The following YJU2 variants were observed in gnomAD, a reference collection of about 807,000 sequenced individuals.
YJU2 encodes YJU2 splicing factor homolog, also known as splicing factor YJU2.
Under a neutral mutation model 39.6 loss-of-function variants are expected in YJU2, and 28 were observed. The ratio of observed to expected loss-of-function variants is 0.71; its 90% CI spans 0.52 to 0.97. The LOEUF is 0.97. YJU2 is among the 50% of genes least tolerant of loss of function. The pLI, the probability that YJU2 is intolerant of heterozygous loss-of-function variation, is 0.00. For missense variants in YJU2, 328 were observed against 430.4 expected (o/e 0.76, Z 2.11); for synonymous variants, 184 against 182.4 (o/e 1.01, Z -0.07).
At chr19:4,254,640 C>T (rs998946087) in intron 4 of YJU2, 151 bp downstream of exon 4, 3 of 1,187,174 alleles carry the variant, frequency 2.5e-6, no homozygotes, top group African/African-American at 3.1e-5. Flanking sequence ...CCCCAGGAGG[C>T]CAGGCATAGT....
chr19:4,263,608 G>A (rs1357818370), intron 6 of YJU2, among the ~76,000 whole-genome samples: 1 of 151,886 alleles, frequency 6.6e-6, no homozygotes, highest in Non-Finnish European at 1.5e-5. Context: ...TCAGGAGTTC[G>A]AGACCAGCCT....
intron 6 of YJU2, among the ~76,000 whole-genome samples, chr19:4,264,465 G>A (rs1452121089): frequency 2.0e-5 from 3 of 148,746 alleles, no homozygotes; most frequent in Admixed American, 6.7e-5. Flanking sequence ...GCACCACCAC[G>A]CCTGGCTAAT....
At chr19:4,263,267 G>T (rs1042806006) in intron 6 of YJU2, among the ~76,000 whole-genome samples, 2 of 152,116 alleles carry the variant, frequency 1.3e-5, no homozygotes, top group African/African-American at 4.8e-5. Context: ...AACCATTCAG[G>T]GACTCAGCCT....
At chr19:4,250,996 A>G in intron 2 of YJU2, 31 bp from the exon 3 acceptor site, 1 of 1,604,768 alleles carries the variant, frequency 6.2e-7, no homozygotes, top group Non-Finnish European at 8.5e-7. Flanking sequence ...GCGTCCCAAG[A>G]CAGCTCACAT....
chr19:4,262,018 G>T lies in YJU2; in HGVS notation c.612G>T (p.Lys204Asn). The T allele has an allele frequency of 1.2e-6, 2 of 1,613,340 alleles. No homozygotes were observed. The highest frequency in any genetic ancestry group is 1.7e-6 in the Non-Finnish European group (2 of 1,179,920). Residue 204 changes from lysine (K) to asparagine (N), a missense_variant, in exon 6 of 8, where the codon AAG (lysine) becomes AAT (asparagine). Physicochemically the swap from Lys to Asn is moderately conservative, Grantham distance 94. Transcript: ENST00000262962. ...GGGCCCTGTTGGAGGAAGCCAGAAA[G>T]CGAAGACTGCTGGAGGACTCCGACT... ...ETAALLEEAR[K>N]RRLLEDSDSE...
chr19:4,259,071 CTTTTTTTTTTTTTTTTTTTT>C (rs34728075), intron 5 of YJU2, among the ~76,000 whole-genome samples: 2 of 90,262 alleles, frequency 2.2e-5, no homozygotes, highest in African/African-American at 1.0e-4. Context: ...GAACACTTTT[CTTTTTTTTTTTTTTTTTTTT>C]TTTTTTTTTG....
At position 4,267,728 on chromosome 19, in the gene YJU2, C is replaced by G. The variant is rs779034770; in HGVS notation, c.813C>G (p.Ala271=). 7 of 1,613,054 alleles carry G rather than the reference C, an allele frequency of 4.3e-6. No individual in the cohort carries two copies. Among genetic ancestry groups the G allele is most frequent in the Admixed American group, 1.7e-5 (1 of 59,964 alleles). ...TGGTCGTGGTGAAGAAGGCAAAGGCCGACCCGGACTGCAGCAACGGGCAGC... is the reference window on the plus strand; with the variant it reads ...TGGTCGTGGTGAAGAAGGCAAAGGCGGACCCGGACTGCAGCAACGGGCAGC... The part of the protein sequence containing the change: ...SRLVVVKKAK[A]DPDCSNGQPQ... Residue 271 remains alanine, a synonymous_variant, in exon 7 of 8, where the codon GCC becomes GCG. Coordinates refer to ENST00000262962, the MANE Select transcript of YJU2 (RefSeq NM_018074.6).
intron 3 of YJU2, among the ~76,000 whole-genome samples, chr19:4,251,610 G>A (rs1225124687): frequency 6.6e-6 from 1 of 151,752 alleles, no homozygotes; most frequent in Non-Finnish European, 1.5e-5. Context: ...ACTTGAAGCT[G>A]GGAGGCAGAG....
intron 4 of YJU2, 103 bp downstream of exon 4, chr19:4,254,592 A>G (rs1356847029): frequency 2.1e-6 from 3 of 1,428,844 alleles, no homozygotes; most frequent in South Asian, 1.5e-5. Flanking sequence ...AGGAAGGAAG[A>G]TGGGGTGGGG....
In YJU2 at chr19:4,249,217, C is replaced by T. The variant is rs778201528; in HGVS notation, c.25-11C>T. 3 of 1,591,282 alleles carry T rather than the reference C, an allele frequency of 1.9e-6. No homozygotes were observed. The highest frequency in any genetic ancestry group is 3.4e-5 in the Admixed American group (2 of 59,446). On this transcript the variant is annotated splice_polypyrimidine_tract_variant and intron_variant, in intron 1 of 7. Coordinates refer to ENST00000262962, the MANE Select transcript of YJU2 (RefSeq NM_018074.6). The stretch of plus-strand genomic sequence containing the variant: ...AAATAACTCCCCCAACGTTTCCTTC[C>T]TCCCCTGCAGAAATACTACCCGCCG...
chr19:4,248,921 GAACAAA>G (rs1478982565), intron 1 of YJU2, among the ~76,000 whole-genome samples: 1 of 151,990 alleles, frequency 6.6e-6, no homozygotes, highest in Non-Finnish European at 1.5e-5. Context: ...CTCCGTCTCA[GAACAAA>G]AACAAAAACA....
chr19:4,256,315 CT>C (rs111971364), intron 4 of YJU2, among the ~76,000 whole-genome samples: 10,537 of 151,414 alleles, frequency 0.07, 593 homozygotes, highest in South Asian at 0.3. Context: ...CCCATCCATT[CT>C]TATCTATTCC....
In YJU2 at chr19:4,262,036, C is replaced by T. The variant is rs758725275; in HGVS notation, c.630C>T (p.Asp210=). Residue 210 remains aspartate (D), a synonymous_variant, in exon 6 of 8, where the codon GAC becomes GAT. Transcript: ENST00000262962. Reference sequence around the variant, plus strand: ...CCAGAAAGCGAAGACTGCTGGAGGACTCCGACTCAGAGGATGAGGCTGCTC... The same window carrying T: ...CCAGAAAGCGAAGACTGCTGGAGGATTCCGACTCAGAGGATGAGGCTGCTC... ...EEARKRRLLE[D]SDSEDEAAPS... is the part of the protein sequence containing the mutation. The T allele has an allele frequency of 4.3e-6, 7 of 1,613,196 alleles. No homozygotes were observed. The South Asian group carries it at 6.6e-5, about 15-fold the overall frequency.
In YJU2 at chr19:4,249,331, G is replaced by A; in HGVS notation, c.125+3G>A. The A allele has an allele frequency of 6.2e-6, 10 of 1,603,124 alleles. No individual in the cohort carries two copies. The highest frequency in any genetic ancestry group is 8.5e-6 in the Non-Finnish European group (10 of 1,170,706). On this transcript the variant is annotated splice_donor_region_variant and intron_variant, in intron 2 of 7. Transcript: ENST00000262962. ...CTGATGGCCCCCTTCAACATGAGGTGAGCACCCCCTGCGTGACCCCACACA... is the reference window on the plus strand; with the variant it reads ...CTGATGGCCCCCTTCAACATGAGGTAAGCACCCCCTGCGTGACCCCACACA...
In YJU2 at chr19:4,262,405, G is replaced by A. The variant is rs1240416908; in HGVS notation, c.708+291G>A. ...AGTAGAGATGGGGTTTCACCATGTTGGGAAGGATGGTCTCAATCTCTTCAC... is the reference window on the plus strand; with the variant it reads ...AGTAGAGATGGGGTTTCACCATGTTAGGAAGGATGGTCTCAATCTCTTCAC... On this transcript the variant is annotated intron_variant, in intron 6 of 7. Transcript: ENST00000262962. Among the ~76,000 whole-genome samples, 3 of 151,956 alleles carry A rather than the reference G, an allele frequency of 2.0e-5. No homozygotes were observed. In the East Asian group the frequency reaches 5.9e-4, roughly 30 times the overall value.
chr19:4,250,720 G>A (rs979950623), intron 2 of YJU2, among the ~76,000 whole-genome samples: 2 of 151,996 alleles, frequency 1.3e-5, no homozygotes, highest in African/African-American at 4.8e-5. Context: ...CTTTCCTCCT[G>A]GAGGGTGGGG....
At chr19:4,258,012 C>G (rs1971036151) in intron 4 of YJU2, among the ~76,000 whole-genome samples, 1 of 152,190 alleles carries the variant, frequency 6.6e-6, no homozygotes, top group African/African-American at 2.4e-5. Context: ...GGCTCAGATC[C>G]CGGCTCCACC....
intron 6 of YJU2, among the ~76,000 whole-genome samples, chr19:4,264,261 CAAAAAAAA>C (rs748910280): frequency 1.6e-4 from 7 of 43,940 alleles, no homozygotes; most frequent in Non-Finnish European, 2.6e-4. Flanking sequence ...GACTCTGTCT[CAAAAAAAA>C]AAAAAAAAAA....
At chr19:4,251,621 G>A (rs957295531) in intron 3 of YJU2, among the ~76,000 whole-genome samples, 1 of 151,478 alleles carries the variant, frequency 6.6e-6, no homozygotes, top group African/African-American at 2.4e-5. Flanking sequence ...GGAGGCAGAG[G>A]TTGCAGTGAG....
Sources: gnomAD v4.1 joint callset for allele counts (sites outside exome capture counted in the v4.1 genomes callset) on GRCh38, gnomAD v4.1.1 for gene constraint, MANE v1.5 for transcripts, NCBI Gene and HGNC (gene_info 2026-07-23, HGNC 2026-07-21) for gene names.